Variants in SH3D19 observed in about 807,000 individuals in gnomAD.
SH3D19 encodes the protein SH3 domain-containing protein 19.
In SH3D19, 58 loss-of-function variants were observed where a neutral mutation model predicts 112.1. The observed-to-expected ratio is 0.52, with a 90% CI of 0.42 to 0.64. The LOEUF is 0.64. SH3D19 is among the 30% of genes least tolerant of loss of function. The pLI is 0.00. For synonymous variants in SH3D19, 391 were observed against 448.5 expected, an observed-to-expected ratio of 0.87 and a Z score of 1.62; for missense variants, 1,090 against 1,263.4, an observed-to-expected ratio of 0.86 and a Z score of 2.08.
At chr4:151,197,965 T>C (rs1462337531) in intron 2 of SH3D19, among the ~76,000 whole-genome samples, 3 of 152,138 alleles carry the variant, frequency 2.0e-5, no homozygotes, top group Non-Finnish European at 2.9e-5. Context: ...ATTATTTAAA[T>C]TGTTGTGACA....
chr4:151,265,344 C>T (rs536567185), intron 1 of SH3D19, among the ~76,000 whole-genome samples: 1 of 144,642 alleles, frequency 6.9e-6, no homozygotes, highest in African/African-American at 2.6e-5. Context: ...ATGTGGGATG[C>T]TAAATCAGTT....
At chr4:151,317,567 C>T (rs1730110904) in intron 1 of SH3D19, among the ~76,000 whole-genome samples, 1 of 152,190 alleles carries the variant, frequency 6.6e-6, no homozygotes, top group African/African-American at 2.4e-5. Context: ...CGAAGGGATG[C>T]ACTCTGGTTA....
intron 1 of SH3D19, among the ~76,000 whole-genome samples, chr4:151,263,118 C>T (rs1772504676): frequency 6.6e-6 from 1 of 152,176 alleles, no homozygotes; most frequent in Non-Finnish European, 1.5e-5. Context: ...CTTTCCCCCG[C>T]ACAAGTCAGC....
intron 1 of SH3D19, 22 bp downstream of exon 1, chr4:151,325,219 C>T (rs2126423058): frequency 1.7e-6 from 2 of 1,201,422 alleles, no homozygotes; most frequent in Middle Eastern, 3.2e-4. Context: ...GTCCCCGCCG[C>T]CCCGTCCCCC....
chr4:151,242,801 T>G (rs977558241), intron 1 of SH3D19, among the ~76,000 whole-genome samples: 3 of 152,230 alleles, frequency 2.0e-5, no homozygotes, highest in African/African-American at 7.2e-5. Context: ...AGAGGGGTTA[T>G]ATTTAACAAG....
At chr4:151,260,493 T>C (rs1772290395) in intron 1 of SH3D19, among the ~76,000 whole-genome samples, 1 of 152,236 alleles carries the variant, frequency 6.6e-6, no homozygotes. Context: ...GCATATACCA[T>C]TCTTGTCAGT....
At chr4:151,222,886 C>T (rs1368020758) in intron 2 of SH3D19, among the ~76,000 whole-genome samples, 2 of 151,800 alleles carry the variant, frequency 1.3e-5, no homozygotes, top group African/African-American at 4.8e-5. Flanking sequence ...AGTCTGGCCT[C>T]GAACTCCTGA....
At chr4:151,229,700 G>A (rs1769448356) in intron 1 of SH3D19, among the ~76,000 whole-genome samples, 1 of 152,108 alleles carries the variant, frequency 6.6e-6, no homozygotes, top group Non-Finnish European at 1.5e-5. Flanking sequence ...ATCACCTGAG[G>A]TCAGGAGTTT....
At chr4:151,143,032 T>C (rs1753278848) in intron 12 of SH3D19, among the ~76,000 whole-genome samples, 1 of 151,652 alleles carries the variant, frequency 6.6e-6, no homozygotes. Context: ...AGCCCAGGAG[T>C]TTCAGACCAG....
chr4:151,262,926 C>T (rs1772489920), intron 1 of SH3D19: 2 of 152,198 alleles, frequency 1.3e-5, no homozygotes. Context: ...GCCTATTATG[C>T]TTCTGCCTCT....
intron 1 of SH3D19, among the ~76,000 whole-genome samples, chr4:151,230,419 T>C (rs1274386076): frequency 6.6e-6 from 1 of 152,196 alleles, no homozygotes; most frequent in Non-Finnish European, 1.5e-5. Flanking sequence ...TGATTTAGCT[T>C]TGATCACTTA....
rs139862035 is a variant in SH3D19 at position 151,163,886 on chromosome 4, C to T, written c.1642+1703G>A. 2.5e-3 allele frequency among the ~76,000 whole-genome samples: 377 copies of T among 152,168 alleles called. 1 individual carries two copies. The highest frequency in any genetic ancestry group is 8.8e-3 in the African/African-American group (365 of 41,512). On this transcript the variant is annotated intron_variant, in intron 8 of 19. Transcript: ENST00000604030. Reference sequence around the variant, plus strand: ...GTGTGAGCCACCATGGCTGGCCTACCACTGGTTTTTAAATCTAACATTAAA... The same window carrying T: ...GTGTGAGCCACCATGGCTGGCCTACTACTGGTTTTTAAATCTAACATTAAA...
At chr4:151,228,678 T>C (rs572838032) in intron 1 of SH3D19, among the ~76,000 whole-genome samples, 1 of 152,254 alleles carries the variant, frequency 6.6e-6, no homozygotes, top group Admixed American at 6.5e-5. Context: ...TCACTGAGGG[T>C]GGATTCAGAA....
intron 6 of SH3D19, among the ~76,000 whole-genome samples, chr4:151,176,291 G>A (rs1000386103): frequency 7.9e-5 from 12 of 152,158 alleles, no homozygotes; most frequent in Non-Finnish European, 1.8e-4. Context: ...TGAATTATAC[G>A]GATAATGTTT....
intron 1 of SH3D19, among the ~76,000 whole-genome samples, chr4:151,247,612 G>A (rs1469442716): frequency 1.3e-5 from 2 of 152,078 alleles, no homozygotes; most frequent in Non-Finnish European, 2.9e-5. Flanking sequence ...GATCATTTTA[G>A]AACATTCCCA....
In SH3D19 at chr4:151,121,442, A is replaced by C. The variant is rs1747962432; in HGVS notation, c.*649T>G. 1 of 152,564 alleles carries C rather than the reference A, an allele frequency of 6.6e-6. No homozygotes were observed. The highest frequency in any genetic ancestry group is 2.1e-4 in the South Asian group (1 of 4,824). 9.5% of individuals were successfully genotyped at this position (152,564 alleles called of 1,614,324 possible). ...TGGTTTTGGTTCTTTAGACTAAGTAAGATACATCCAATTTAGACCCCCTTC... is the reference window on the plus strand; with the variant it reads ...TGGTTTTGGTTCTTTAGACTAAGTACGATACATCCAATTTAGACCCCCTTC... On this transcript the variant is annotated 3_prime_UTR_variant, in exon 20 of 20. Coordinates refer to ENST00000604030, the MANE Select transcript of SH3D19 (RefSeq NM_001378122.1).
At chr4:151,287,521 G>A (rs1478461189) in intron 1 of SH3D19, among the ~76,000 whole-genome samples, 6 of 152,024 alleles carry the variant, frequency 3.9e-5, no homozygotes, top group South Asian at 2.1e-4. Flanking sequence ...TATATATACC[G>A]GAATGCCGAT....
chr4:151,318,763 G>C (rs1730259645), intron 1 of SH3D19, among the ~76,000 whole-genome samples: 1 of 152,102 alleles, frequency 6.6e-6, no homozygotes, highest in Non-Finnish European at 1.5e-5. Context: ...TATAAATAAA[G>C]AATAGAAGCA....
chr4:151,292,601 A>G (rs1291611380), intron 1 of SH3D19, among the ~76,000 whole-genome samples: 1 of 152,184 alleles, frequency 6.6e-6, no homozygotes, highest in East Asian at 1.9e-4. Flanking sequence ...TCCCTTCTAT[A>G]CCTAGGCTGC....
Sources: gnomAD v4.1 joint callset for allele counts (sites outside exome capture counted in the v4.1 genomes callset) on GRCh38, gnomAD v4.1.1 for gene constraint, MANE v1.5 for transcripts, NCBI Gene and HGNC (gene_info 2026-07-23, HGNC 2026-07-21) for gene names.